FANCD2: variants seen among roughly 807,000 people sequenced by gnomAD.
FANCD2 encodes Fanconi anemia group D2 protein.
A neutral mutation model predicts 192.3 loss-of-function variants in FANCD2; 131 were observed. That is an observed-to-expected ratio of 0.68 (90% CI 0.59 to 0.79). The LOEUF is 0.79. Among genes scored for constraint, FANCD2 ranks in the 30% least tolerant of loss-of-function variants. The pLI is 0.00. For missense variants in FANCD2, 1,508 were observed against 1,701.6 expected, an observed-to-expected ratio of 0.89 and a Z score of 2.00; for synonymous variants, 524 against 612.5, an observed-to-expected ratio of 0.86 and a Z score of 2.13.
chr3:10,077,348 G>A (rs1693593677), intron 29 of FANCD2, among the ~76,000 whole-genome samples: 1 of 152,268 alleles, frequency 6.6e-6, no homozygotes, highest in Non-Finnish European at 1.5e-5. Flanking sequence ...ACCTGAGGTC[G>A]GGTTTGAGAC....
At chr3:10,066,780 G>A (rs752193273) in intron 25 of FANCD2, among the ~76,000 whole-genome samples, 7 of 151,830 alleles carry the variant, frequency 4.6e-5, no homozygotes, top group Non-Finnish European at 1.0e-4. Flanking sequence ...GCTGGAGTGC[G>A]GTGGCTCAAT....
rs2125100946 is a variant in FANCD2, at chr3:10,098,792, G to A, written c.4258G>A (p.Ala1420Thr). ...GAGTGAGGATGACATGTCATCCCAG[G>A]CCTCCAAGAGCAAAGCCACTGAGGT... ...DESEDDMSSQ[A>T]SKSKATEDGE... The change falls in exon 43 of 44, where the codon GCC becomes ACC. Residue 1420 changes from alanine to threonine, a missense_variant. Coordinates refer to ENST00000675286, the MANE Select transcript of FANCD2 (RefSeq NM_001018115.3). The A allele has an allele frequency of 6.2e-7, 1 of 1,614,172 alleles. No homozygotes were observed. The highest frequency in any genetic ancestry group is 8.5e-7 in the Non-Finnish European group (1 of 1,180,022).
At chr3:10,027,912 A>AAAAAG (rs2124959548) in intron 1 of FANCD2, among the ~76,000 whole-genome samples, 1 of 148,202 alleles carries the variant, frequency 6.7e-6, no homozygotes, top group African/African-American at 2.5e-5. Flanking sequence ...CTCAAAAAAA[A>AAAAAG]AAAAAAAAAA....
rs770464737 is a variant in FANCD2, at chr3:10,065,908, G to C, written c.2314G>C (p.Glu772Gln). 3.7e-6 allele frequency: 6 copies of C among 1,613,542 alleles called. No homozygotes were observed. The East Asian group carries it at 1.3e-4, about 36-fold the overall frequency. The change falls in exon 25 of 44, where the codon GAG becomes CAG. Residue 772 changes from glutamate to glutamine, a missense_variant. Transcript: ENST00000675286. ...LTDLEPGEKL[E>Q]SMSAKERSFM... ...TGACCTGGAGCCTGGAGAGAAGTTGGAGTCCATGTCTGCTAAAGAGCGTTC... is the reference window on the plus strand; with the variant it reads ...TGACCTGGAGCCTGGAGAGAAGTTGCAGTCCATGTCTGCTAAAGAGCGTTC...
chr3:10,068,563 G>T (rs1437172450), intron 26 of FANCD2, among the ~76,000 whole-genome samples: 1 of 151,466 alleles, frequency 6.6e-6, no homozygotes, highest in African/African-American at 2.4e-5. Flanking sequence ...AAATTTCCAT[G>T]CTACCCAACA....
At chr3:10,101,042 C>A in intron 43 of FANCD2, 146 bp from the exon 44 acceptor site, 1 of 601,108 alleles carries the variant, frequency 1.7e-6, no homozygotes, top group Non-Finnish European at 3.0e-6. Context: ...GCATTCCAGC[C>A]TGGTGACAGA....
intron 42 of FANCD2, 138 bp downstream of exon 42, chr3:10,096,610 C>A: frequency 1.2e-6 from 1 of 826,518 alleles, no homozygotes. Flanking sequence ...CTGTTTAACT[C>A]TTAAAGTTAT....
At chr3:10,052,519 A>T (rs771967812) in intron 18 of FANCD2, 22 bp downstream of exon 18, 5 of 1,558,386 alleles carry the variant, frequency 3.2e-6, no homozygotes, top group South Asian at 1.1e-5. Flanking sequence ...TATGTTGGGA[A>T]AGATTTTTTT....
chr3:10,100,130 G>T (rs1408672398), intron 43 of FANCD2, among the ~76,000 whole-genome samples: 3 of 151,956 alleles, frequency 2.0e-5, no homozygotes, highest in Non-Finnish European at 4.4e-5. Flanking sequence ...GGAGGCTGCA[G>T]TGAGCCATCA....
In FANCD2 at chr3:10,090,316, T is replaced by A; in HGVS notation, c.3708T>A (p.Arg1236=). ...LTRHTFVVFF[R]VMMAELEKTV... ...GGCATACTTTTGTTGTTTTCTTCCG[T>A]GTGATGATGGCTGAACTAGAGAAGA... The change falls in exon 37 of 44, where the codon CGT becomes CGA. Residue 1236 remains arginine, a synonymous_variant. Transcript: ENST00000675286. 6.2e-7 allele frequency: 1 copy of A among 1,613,550 alleles called. No homozygotes were observed. Among genetic ancestry groups the A allele is most frequent in the South Asian group, 1.1e-5 (1 of 91,072 alleles).
intron 32 of FANCD2, 114 bp from the exon 33 acceptor site, chr3:10,085,698 C>T: frequency 3.8e-6 from 3 of 799,460 alleles, no homozygotes; most frequent in South Asian, 1.3e-5. Context: ...CCTCTCAATT[C>T]TTTTTTCAAA....
chr3:10,054,668 A>T (rs1414319429), intron 18 of FANCD2, among the ~76,000 whole-genome samples: 1 of 148,918 alleles, frequency 6.7e-6, no homozygotes, highest in Non-Finnish European at 1.5e-5. Context: ...TATTTTTAGT[A>T]GAGTTGGGGT....
At chr3:10,065,797 C>T in intron 24 of FANCD2, 67 bp from the exon 25 acceptor site, 1 of 999,194 alleles carries the variant, frequency 1.0e-6, no homozygotes, top group Non-Finnish European at 1.6e-6. Context: ...ACAGCTAGCT[C>T]CAGAGGCAAC....
At position 10,094,300 on chromosome 3, in the gene FANCD2, C is replaced by A; in HGVS notation, c.3900C>A (p.Leu1300=). Residue 1300 remains leucine, a synonymous_variant, in exon 40 of 44, where the codon CTC becomes CTA. Coordinates refer to ENST00000675286, the MANE Select transcript of FANCD2 (RefSeq NM_001018115.3). ...TCTCTCTTCTTCAGTATGGGCGTCT[C>A]TTTGTGGAAGCATTTCTGAAGCAAT... The part of the protein sequence containing the change: ...VLHVCLKYGR[L]FVEAFLKQCM... 1 of 1,614,020 alleles carries A rather than the reference C, an allele frequency of 6.2e-7. No homozygotes were observed. Among genetic ancestry groups the A allele is most frequent in the South Asian group, 1.1e-5 (1 of 91,076 alleles).
chr3:10,098,689 C>G (rs750254657), intron 42 of FANCD2, 31 bp from the exon 43 acceptor site: 14 of 1,612,890 alleles, frequency 8.7e-6, no homozygotes, highest in Non-Finnish European at 1.2e-5. Context: ...ATCATTATAA[C>G]CCACCATTTT....
At chr3:10,073,144 C>A in intron 27 of FANCD2, 109 bp from the exon 28 acceptor site, 1 of 930,058 alleles carries the variant, frequency 1.1e-6, no homozygotes, top group Non-Finnish European at 1.7e-6. Flanking sequence ...TATAAAATTA[C>A]CTCTTCTACC....
chr3:10,039,928 A>G (rs1341174743), intron 9 of FANCD2, 83 bp downstream of exon 9: 3 of 1,530,972 alleles, frequency 2.0e-6, no homozygotes, highest in Non-Finnish European at 2.7e-6. Context: ...CAGTAGTAAT[A>G]TGGTCTCTTC....
Position 10,060,374 on chromosome 3 carries a change from G to C in FANCD2, c.1737G>C (p.Val579=). Residue 579 remains valine (V), a synonymous_variant, in exon 19 of 44, where the codon GTG becomes GTC. Transcript: ENST00000675286. ...KYKLIGIIGA[V]TMAGIMAADR... The stretch of plus-strand genomic sequence containing the variant: ...AGCTCATTGGGATTATTGGTGCTGT[G>C]ACCATGGCTGGCATCATGGCGGCAG... 6.2e-7 allele frequency: 1 copy of C among 1,613,918 alleles called. No individual in the cohort carries two copies. Among genetic ancestry groups the C allele is most frequent in the Non-Finnish European group, 8.5e-7 (1 of 1,180,000 alleles).
intron 18 of FANCD2, among the ~76,000 whole-genome samples, chr3:10,054,451 A>ATG: frequency 5.3e-5 from 1 of 18,716 alleles, no homozygotes; most frequent in African/African-American, 3.0e-4. Context: ...ATATACATAT[A>ATG]TATATATATA....
Sources: gnomAD v4.1 joint callset for allele counts (sites outside exome capture counted in the v4.1 genomes callset) on GRCh38, gnomAD v4.1.1 for gene constraint, MANE v1.5 for transcripts, NCBI Gene and HGNC (gene_info 2026-07-23, HGNC 2026-07-21) for gene names.